Variants in GRID2 observed in about 807,000 individuals in gnomAD.
GRID2 encodes glutamate ionotropic receptor delta type subunit 2.
In GRID2, 33 loss-of-function variants were observed where a neutral mutation model predicts 114.8. That is an observed-to-expected ratio of 0.29 (90% confidence interval 0.22 to 0.38). The LOEUF (loss-of-function observed/expected upper bound fraction) is 0.38, where lower values mean the gene tolerates loss of function less well. Ranked by LOEUF, GRID2 falls within the 10% of genes least tolerant of loss-of-function variation. The probability of loss-of-function intolerance (pLI) is 1.00; values close to 1 mark genes in which losing one functional copy is unlikely to be tolerated. For missense variants in GRID2, 1,184 were observed against 1,257.7 expected (o/e 0.94, Z 0.89); for synonymous variants, 505 against 449.9 (o/e 1.12, Z -1.55).
chr4:93,218,023 A>G (rs1470387411), intron 6 of GRID2, among the ~76,000 whole-genome samples: 2 of 151,870 alleles, frequency 1.3e-5, no homozygotes, highest in African/African-American at 4.8e-5. Flanking sequence ...GTGCTTTTGC[A>G]AAACTAATCT....
rs1348603648 is a variant in GRID2 at position 93,638,323 on chromosome 4, T to A, written c.2360+11888T>A. 7.6e-5 allele frequency among the ~76,000 whole-genome samples: 5 copies of A among 65,634 alleles called. 1 individual carries two copies. The highest frequency in any genetic ancestry group is 1.4e-4 in the Non-Finnish European group (4 of 28,868). The allele number at this position is 65,634 out of a possible 152,430, so 43.1% of individuals were successfully genotyped here. On this transcript the variant is annotated intron_variant, in intron 14 of 15. Coordinates refer to ENST00000282020, the MANE Select transcript of GRID2 (RefSeq NM_001510.4). ...CATCTTTTTTTTTTTTTTTTTTAAT[T>A]ATACTCTAAGTTTTAGGGTACATGT...
At chr4:93,229,913 G>C (rs1253113065) in intron 7 of GRID2, among the ~76,000 whole-genome samples, 1 of 151,960 alleles carries the variant, frequency 6.6e-6, no homozygotes, top group African/African-American at 2.4e-5. Flanking sequence ...GTTAATGCTT[G>C]CCTGTTTATT....
At chr4:92,891,831 C>G (rs1409759656) in intron 2 of GRID2, among the ~76,000 whole-genome samples, 1 of 152,088 alleles carries the variant, frequency 6.6e-6, no homozygotes, top group Non-Finnish European at 1.5e-5. Flanking sequence ...TTTTCAGTCT[C>G]TGATATATGT....
intron 2 of GRID2, among the ~76,000 whole-genome samples, chr4:93,070,879 TGCTA>T (rs2149304891): frequency 6.6e-6 from 1 of 152,216 alleles, no homozygotes; most frequent in South Asian, 2.1e-4. Context: ...TTGTGGAGTA[TGCTA>T]GCTATGAATT....
At chr4:93,344,152 G>A (rs1759946754) in intron 8 of GRID2, among the ~76,000 whole-genome samples, 1 of 151,976 alleles carries the variant, frequency 6.6e-6, no homozygotes, top group South Asian at 2.1e-4. Flanking sequence ...TAGGTAATAG[G>A]AAGGTTATAT....
At chr4:92,645,952 A>G (rs565697992) in intron 2 of GRID2, among the ~76,000 whole-genome samples, 1 of 151,784 alleles carries the variant, frequency 6.6e-6, no homozygotes, top group Non-Finnish European at 1.5e-5. Flanking sequence ...TGAAAAACGC[A>G]TTCACTTTTC....
rs1252647434 is a variant in GRID2 at position 93,502,101 on chromosome 4, T to A, written c.1997+11324T>A. 2.0e-5 allele frequency among the ~76,000 whole-genome samples: 3 copies of A among 152,012 alleles called. No homozygotes were observed. The South Asian group carries it at 6.2e-4, about 32-fold the overall frequency. ...GAGTACAGAGCATCCTTTTGTGAAA[T>A]TAATGTGGGAAGAGTAGTGATGAAA... On this transcript the variant is annotated intron_variant, in intron 12 of 15. Coordinates refer to ENST00000282020, the MANE Select transcript of GRID2 (RefSeq NM_001510.4).
At chr4:92,582,212 T>A (rs1728215723) in intron 1 of GRID2, among the ~76,000 whole-genome samples, 1 of 151,846 alleles carries the variant, frequency 6.6e-6, no homozygotes, top group Admixed American at 6.6e-5. Flanking sequence ...ACAATTTTTA[T>A]TTTATATTTT....
chr4:92,888,632 G>A (rs1746535485), intron 2 of GRID2, among the ~76,000 whole-genome samples: 1 of 152,044 alleles, frequency 6.6e-6, no homozygotes, highest in Non-Finnish European at 1.5e-5. Context: ...CAAGTGCACA[G>A]CAGGTATGTA....
chr4:93,495,726 C>T (rs1727470028), intron 12 of GRID2, among the ~76,000 whole-genome samples: 1 of 151,604 alleles, frequency 6.6e-6, no homozygotes, highest in South Asian at 2.1e-4. Context: ...ACGAATATGT[C>T]TCTACTTTTT....
At chr4:92,405,866 A>T (rs1309955037) in intron 1 of GRID2, among the ~76,000 whole-genome samples, 1 of 152,116 alleles carries the variant, frequency 6.6e-6, no homozygotes, top group African/African-American at 2.4e-5. Flanking sequence ...AATAGGATAG[A>T]TGTATATATA....
chr4:92,640,457 G>A (rs567497111), intron 2 of GRID2, among the ~76,000 whole-genome samples: 4 of 151,870 alleles, frequency 2.6e-5, no homozygotes, highest in African/African-American at 4.8e-5. Flanking sequence ...AAAAATTAAC[G>A]TAAAATCATA....
At chr4:92,884,695 G>A (rs1397403136) in intron 2 of GRID2, 2 of 207,236 alleles carry the variant, frequency 9.7e-6, no homozygotes, top group African/African-American at 2.4e-5. Context: ...TCTTTCCAGA[G>A]TACAACAAGT....
chr4:93,370,428 C>T (rs149948930), intron 8 of GRID2, among the ~76,000 whole-genome samples: 316 of 148,166 alleles, frequency 2.1e-3, no homozygotes, highest in African/African-American at 6.8e-3. Flanking sequence ...CACACAAACA[C>T]GCACACACAG....
intron 2 of GRID2, among the ~76,000 whole-genome samples, chr4:92,828,869 T>C (rs889300366): frequency 6.6e-6 from 1 of 152,142 alleles, no homozygotes; most frequent in Non-Finnish European, 1.5e-5. Context: ...TTGTTTGTTT[T>C]TTTCTTGTAA....
At chr4:92,615,851 A>T (rs2149233487) in intron 2 of GRID2, among the ~76,000 whole-genome samples, 1 of 151,724 alleles carries the variant, frequency 6.6e-6, no homozygotes, top group East Asian at 1.9e-4. Context: ...GGTTAATATT[A>T]ACTTGATTCC....
At chr4:92,716,878 A>G (rs942088178) in intron 2 of GRID2, among the ~76,000 whole-genome samples, 1 of 152,152 alleles carries the variant, frequency 6.6e-6, no homozygotes, top group Non-Finnish European at 1.5e-5. Context: ...TTATATTTTG[A>G]TTTTCGATTC....
intron 2 of GRID2, among the ~76,000 whole-genome samples, chr4:92,954,401 A>G (rs1752240171): frequency 6.6e-6 from 1 of 151,652 alleles, no homozygotes; most frequent in African/African-American, 2.4e-5. Context: ...GGAGTATAAC[A>G]CTGTTTCTGC....
At chr4:92,350,228 C>T (rs565843509) in intron 1 of GRID2, among the ~76,000 whole-genome samples, 1 of 151,930 alleles carries the variant, frequency 6.6e-6, no homozygotes, top group East Asian at 1.9e-4. Context: ...AAAGTCTACT[C>T]ATAATCTGCT....
Sources: allele counts gnomAD v4.1 joint callset (sites outside exome capture counted in the v4.1 genomes callset), GRCh38; gene constraint gnomAD v4.1.1; transcripts MANE v1.5; gene names NCBI Gene and HGNC (gene_info 2026-07-23, HGNC 2026-07-21).